The following MARCHF6 variants were observed in gnomAD, a reference collection of about 807,000 sequenced individuals.
The protein encoded by MARCHF6 is E3 ubiquitin-protein ligase MARCHF6.
Under a neutral mutation model 133.7 loss-of-function variants are expected in MARCHF6, and 31 were observed. That is an observed-to-expected ratio of 0.23 (90% CI 0.17 to 0.31). The LOEUF is 0.31. Ranked by LOEUF, MARCHF6 falls within the 10% of genes least tolerant of loss-of-function variation. The pLI is 1.00. For missense variants in MARCHF6, 723 were observed against 1,121.6 expected (o/e 0.64, Z 5.08); for synonymous variants, 395 against 402.5 (o/e 0.98, Z 0.22).
chr5:10,372,684 C>G (rs1736541860), intron 1 of MARCHF6, among the ~76,000 whole-genome samples: 1 of 152,192 alleles, frequency 6.6e-6, no homozygotes, highest in Non-Finnish European at 1.5e-5. Context: ...TAACAACACT[C>G]ATTATGTGTT....
intron 3 of MARCHF6, among the ~76,000 whole-genome samples, chr5:10,380,416 T>A (rs1342362172): frequency 1.3e-5 from 2 of 152,232 alleles, no homozygotes; most frequent in Non-Finnish European, 2.9e-5. Context: ...ACTAGTTGAG[T>A]ATCTTCATGA....
intron 22 of MARCHF6, among the ~76,000 whole-genome samples, chr5:10,420,534 C>T (rs1386644530): frequency 6.6e-6 from 1 of 152,120 alleles, no homozygotes; most frequent in African/African-American, 2.4e-5. Context: ...TTTAATGTTA[C>T]GCAGCATGAG....
At chr5:10,386,062 G>C (rs1473300576) in intron 4 of MARCHF6, among the ~76,000 whole-genome samples, 1 of 151,672 alleles carries the variant, frequency 6.6e-6, no homozygotes, top group African/African-American at 2.4e-5. Context: ...GCACTCTGTA[G>C]TAAGAAGGCC....
At chr5:10,407,957 C>G (rs1369721081) in intron 17 of MARCHF6, among the ~76,000 whole-genome samples, 3 of 139,428 alleles carry the variant, frequency 2.2e-5, no homozygotes, top group African/African-American at 7.9e-5. Flanking sequence ...ACTGCATCCC[C>G]CCCCCCCCAA....
At chr5:10,400,744 T>G in intron 10 of MARCHF6, 40 bp from the exon 11 acceptor site, 1 of 1,447,344 alleles carries the variant, frequency 6.9e-7, no homozygotes, top group Non-Finnish European at 9.7e-7. Flanking sequence ...TTCATTGTTT[T>G]GATGTCGGAG....
At chr5:10,433,553 C>T (rs771106070) in intron 25 of MARCHF6, 41 bp from the exon 26 acceptor site, 1 of 1,402,552 alleles carries the variant, frequency 7.1e-7, no homozygotes, top group Admixed American at 1.7e-5. Context: ...TTACTCTGTA[C>T]ATTCATAGAA....
chr5:10,394,027 T>C (rs1214982736), intron 7 of MARCHF6, 55 bp from the exon 8 acceptor site: 1 of 1,081,744 alleles, frequency 9.2e-7, no homozygotes, highest in Non-Finnish European at 1.3e-6. Flanking sequence ...TCTATTTTTT[T>C]TATTATTTAT....
chr5:10,363,181 G>A (rs1467053505), intron 1 of MARCHF6, among the ~76,000 whole-genome samples: 3 of 152,014 alleles, frequency 2.0e-5, no homozygotes, highest in Non-Finnish European at 4.4e-5. Context: ...TAAAAGAAGT[G>A]GATAAATCAG....
chr5:10,379,248 A>G (rs945757093), intron 3 of MARCHF6, among the ~76,000 whole-genome samples: 1 of 152,100 alleles, frequency 6.6e-6, no homozygotes, highest in Non-Finnish European at 1.5e-5. Context: ...TTAAAAAATA[A>G]TTCTACCATT....
chr5:10,409,771 G>A (rs1739113685), intron 17 of MARCHF6, among the ~76,000 whole-genome samples: 1 of 152,106 alleles, frequency 6.6e-6, no homozygotes, highest in African/African-American at 2.4e-5. Flanking sequence ...ATGAAGGGGA[G>A]GTAGCAGTGG....
At chr5:10,423,974 A>G in intron 23 of MARCHF6, 150 bp downstream of exon 23, 1 of 498,770 alleles carries the variant, frequency 2.0e-6, no homozygotes, top group Non-Finnish European at 3.5e-6. Context: ...TTTTTTTTAA[A>G]GACAGCAGTT....
intron 4 of MARCHF6, among the ~76,000 whole-genome samples, chr5:10,385,952 A>G (rs967011730): frequency 6.6e-6 from 1 of 151,888 alleles, no homozygotes; most frequent in East Asian, 1.9e-4. Context: ...CACACGATAC[A>G]TATTCTGTAA....
intron 22 of MARCHF6, among the ~76,000 whole-genome samples, chr5:10,418,084 A>G (rs1180199431): frequency 6.6e-6 from 1 of 152,156 alleles, no homozygotes; most frequent in East Asian, 1.9e-4. Flanking sequence ...AGATTCATTA[A>G]AAAGAGTATC....
intron 4 of MARCHF6, among the ~76,000 whole-genome samples, chr5:10,384,053 A>G (rs886176590): frequency 6.6e-6 from 1 of 152,178 alleles, no homozygotes; most frequent in Non-Finnish European, 1.5e-5. Flanking sequence ...ATCGGTGGCA[A>G]AAAGATGGTC....
chr5:10,398,760 C>T (rs1738341634), intron 10 of MARCHF6, among the ~76,000 whole-genome samples: 1 of 152,080 alleles, frequency 6.6e-6, no homozygotes, highest in East Asian at 1.9e-4. Flanking sequence ...CTAATCCAAC[C>T]TCCTGAGCTT....
At chr5:10,361,657 G>C (rs528772344) in intron 1 of MARCHF6, among the ~76,000 whole-genome samples, 4 of 152,102 alleles carry the variant, frequency 2.6e-5, no homozygotes, top group African/African-American at 7.2e-5. Context: ...CGTGAATTAC[G>C]GGGGGAGGGG....
chr5:10,394,355 ATTTAGGAAATG>A (rs1347024882), intron 8 of MARCHF6, among the ~76,000 whole-genome samples: 1 of 152,206 alleles, frequency 6.6e-6, no homozygotes, highest in Non-Finnish European at 1.5e-5. Flanking sequence ...ATCTTGCTCC[ATTTAGGAAATG>A]TTTTACCTGA....
At chr5:10,380,058 A>G (rs768803022) in intron 3 of MARCHF6, among the ~76,000 whole-genome samples, 63 of 152,200 alleles carry the variant, frequency 4.1e-4, no homozygotes, top group South Asian at 2.1e-3. Context: ...AAATAAGTAG[A>G]GGACTGTGCT....
chr5:10,402,205 T>C, intron 12 of MARCHF6, 66 bp downstream of exon 12: 3 of 1,189,118 alleles, frequency 2.5e-6, no homozygotes, highest in Non-Finnish European at 3.7e-6. Context: ...TCTTCATTAA[T>C]GGCGAAACTT....
Sources: allele counts gnomAD v4.1 joint callset (sites outside exome capture counted in the v4.1 genomes callset), GRCh38; gene constraint gnomAD v4.1.1; transcripts MANE v1.5; gene names NCBI Gene and HGNC (gene_info 2026-07-23, HGNC 2026-07-21).